Variants in FAT1 observed in about 807,000 individuals in gnomAD.
FAT1 encodes the protein FAT atypical cadherin 1.
In FAT1, 171 loss-of-function variants were observed where a neutral mutation model predicts 329.8. The ratio of observed to expected loss-of-function variants is 0.52; its 90% CI spans 0.46 to 0.59. FAT1 has a LOEUF of 0.59. Ranked by LOEUF, FAT1 falls within the 20% of genes least tolerant of loss-of-function variation. The probability of loss-of-function intolerance (pLI) is 0.00; values close to 1 mark genes in which losing one functional copy is unlikely to be tolerated. For missense variants in FAT1, 5,672 were observed against 5,774.4 expected (o/e 0.98, Z 0.57); for synonymous variants, 2,233 against 2,228.6 (o/e 1.00, Z -0.06).
At chr4:186,726,637 G>C (rs1490507942), upstream of FAT1, 2 of 152,292 alleles carry the variant, frequency 1.3e-5, no homozygotes, top group Non-Finnish European at 2.9e-5. Context: ...TTGTCAGGAC[G>C]TGCCCAGGCA....
chr4:186,724,656 C>G (rs976952049), upstream of FAT1, among the ~76,000 whole-genome samples: 2 of 152,186 alleles, frequency 1.3e-5, no homozygotes, highest in African/African-American at 4.8e-5. This position sits in a 1 kb window ranked among gnomAD's most constrained non-coding sequence, Gnocchi z 5.3. Context: ...CTCCCCGCGC[C>G]GGGCGCCCAG....
intron 2 of FAT1, among the ~76,000 whole-genome samples, chr4:186,693,672 A>C (rs1310193819): frequency 1.9e-5 from 2 of 104,286 alleles, no homozygotes; most frequent in Non-Finnish European, 3.9e-5. Flanking sequence ...GCCCACCCAC[A>C]GAACGGTGAC....
chr4:186,710,490 G>A (rs1288639177), intron 1 of FAT1, among the ~76,000 whole-genome samples: 1 of 152,102 alleles, frequency 6.6e-6, no homozygotes, highest in Non-Finnish European at 1.5e-5. Flanking sequence ...CTACTTAAAA[G>A]TATTAAAATA....
intron 2 of FAT1, among the ~76,000 whole-genome samples, chr4:186,697,648 T>A (rs1221388703): frequency 6.6e-6 from 1 of 152,232 alleles, no homozygotes; most frequent in Non-Finnish European, 1.5e-5. Context: ...TCATTTATAA[T>A]TTTTATACAG....
intron 26 of FAT1, among the ~76,000 whole-genome samples, chr4:186,593,471 T>G (rs1738339926): frequency 6.6e-6 from 1 of 152,210 alleles, no homozygotes. Flanking sequence ...TATGTCACTA[T>G]ACATGGCAAA....
chr4:186,598,191 T>C (rs2126404162), intron 22 of FAT1, 66 bp from the exon 23 acceptor site: 1 of 1,373,846 alleles, frequency 7.3e-7, no homozygotes, highest in Non-Finnish European at 9.8e-7. Context: ...GTCTTAATTA[T>C]ATTGCTTTTT....
Position 186,707,267 on chromosome 4 carries a change from T to C in FAT1, c.2561A>G (p.Asn854Ser), listed in dbSNP as rs1410329862. Residue 854 changes from asparagine (N) to serine (S), a missense_variant, in exon 2 of 27, where the codon AAC becomes AGC. By Grantham distance (46) the Asn-to-Ser change is conservative. Around this residue, in one of 2 missense-constraint regions of FAT1, gnomAD observed 3,966 missense variants for 3,915.2 expected, o/e 1.01. Transcript: ENST00000441802. The part of the protein sequence containing the change: ...VEATDKDLGP[N>S]GHVTYSIVTD... ...AACAATTGAGTACGTCACGTGTCCG[T>C]TGGGCCCCAGGTCTTTATCTGTGGC... 85 of 1,613,886 alleles carry C rather than the reference T, an allele frequency of 5.3e-5. No individual in the cohort carries two copies. The highest frequency in any genetic ancestry group is 6.7e-5 in the Non-Finnish European group (79 of 1,179,908).
chr4:186,595,636 C>T (rs2126381560), intron 26 of FAT1, 53 bp downstream of exon 26: 5 of 1,602,716 alleles, frequency 3.1e-6, no homozygotes, highest in Non-Finnish European at 4.3e-6. Context: ...TGAGATAACA[C>T]AGTAACACAA....
At chr4:186,669,898 T>A (rs559562669) in intron 2 of FAT1, among the ~76,000 whole-genome samples, 12 of 152,288 alleles carry the variant, frequency 7.9e-5, no homozygotes, top group Non-Finnish European at 1.3e-4. Flanking sequence ...TAATAACTCC[T>A]ACTCCCCGCC....
intron 1 of FAT1, among the ~76,000 whole-genome samples, chr4:186,722,308 A>C (rs1175905063): frequency 1.3e-5 from 2 of 152,244 alleles, no homozygotes; most frequent in Non-Finnish European, 2.9e-5. Context: ...CCAGAGTGCC[A>C]AAGAATTTGG....
chr4:186,663,128 G>T (rs1318480938), intron 3 of FAT1, among the ~76,000 whole-genome samples, 171 bp downstream of exon 3: 2 of 152,200 alleles, frequency 1.3e-5, no homozygotes, highest in Non-Finnish European at 2.9e-5. Flanking sequence ...GAGCCACTGT[G>T]CCCGGTTATG....
At position 186,617,818 on chromosome 4, in the gene FAT1, T is replaced by C. The variant is rs1191270366; in HGVS notation, c.8768A>G (p.Tyr2923Cys). 11 of 1,613,914 alleles carry C rather than the reference T, an allele frequency of 6.8e-6. No individual in the cohort carries two copies. The highest frequency in any genetic ancestry group is 1.7e-5 in the Admixed American group (1 of 60,014). Residue 2923 changes from tyrosine to cysteine, a missense_variant, in exon 10 of 27, where the codon TAT (tyrosine) becomes TGT (cysteine). By Grantham distance (194) the Tyr-to-Cys change is radical. This residue lies in a region of FAT1 where 3,966 missense variants were observed against 3,915.2 expected (regional missense o/e 1.01). Coordinates refer to ENST00000441802, the MANE Select transcript of FAT1 (RefSeq NM_005245.4). ...DSPPRFTAEI[Y>C]KGTVSEDDPQ... is the part of the protein sequence containing the mutation. ...GTCATCCTCACTCACAGTCCCTTTATAGATCTCGGCCGTGAATCGTGGTGG... is the reference window on the plus strand; with the variant it reads ...GTCATCCTCACTCACAGTCCCTTTACAGATCTCGGCCGTGAATCGTGGTGG...
intron 2 of FAT1, among the ~76,000 whole-genome samples, chr4:186,691,525 GCATGTTGGCTCA>G (rs1248671236): frequency 2.0e-5 from 3 of 152,198 alleles, no homozygotes; most frequent in African/African-American, 7.2e-5. Context: ...GGCGTGACAG[GCATGTTGGCTCA>G]CATCTGTAAT....
At chr4:186,658,619 G>A (rs908677109) in intron 3 of FAT1, among the ~76,000 whole-genome samples, 13 of 152,070 alleles carry the variant, frequency 8.5e-5, no homozygotes, top group African/African-American at 1.9e-4. Flanking sequence ...TCTGGCATTC[G>A]AGGTTTTCCA....
At position 186,596,914 on chromosome 4, in the gene FAT1, T is replaced by C. The variant is rs1738550729; in HGVS notation, c.12626A>G (p.Lys4209Arg). 6.2e-7 allele frequency: 1 copy of C among 1,613,986 alleles called. No homozygotes were observed. ...FVLCRKMISRKKKHQAEPKDK... is the reference protein window; with the variant it reads ...FVLCRKMISRRKKHQAEPKDK... ...TTTAGGTTCAGCCTGATGCTTCTTT[T>C]TCCGACTAATCATCTTACGGCAGAG... Residue 4209 changes from lysine to arginine, a missense_variant, in exon 25 of 27, where the codon AAA (lysine) becomes AGA (arginine). Transcript: ENST00000441802. This position sits in a 1 kb window ranked among gnomAD's most constrained non-coding sequence, Gnocchi z 4.7.
chr4:186,630,177 T>G lies in FAT1; in HGVS notation c.4324-1414A>C, dbSNP rs929424554. ...GGCTTACCAGGCAATGTTCTGCACA[T>G]GCACAGCCTAACCATGTCTCATATA... On this transcript the variant is annotated intron_variant, in intron 7 of 26. Transcript: ENST00000441802. Among the ~76,000 whole-genome samples the G allele has an allele frequency of 2.0e-5, 3 of 152,342 alleles. No individual in the cohort carries two copies. In the South Asian group the frequency reaches 6.2e-4, roughly 32 times the overall value.
intron 3 of FAT1, among the ~76,000 whole-genome samples, chr4:186,641,941 A>C (rs928640964): frequency 1.8e-4 from 28 of 151,864 alleles, no homozygotes; most frequent in African/African-American, 6.8e-4. Context: ...TGGGAAGAGG[A>C]GGCCACAGTG....
intron 2 of FAT1, among the ~76,000 whole-genome samples, chr4:186,694,830 C>T (rs1366965174): frequency 6.6e-6 from 1 of 152,104 alleles, no homozygotes; most frequent in Non-Finnish European, 1.5e-5. Flanking sequence ...GGCATGATGG[C>T]GGGTGCCTGT....
chr4:186,692,112 C>T (rs1743796807), intron 2 of FAT1, among the ~76,000 whole-genome samples: 1 of 152,080 alleles, frequency 6.6e-6, no homozygotes, highest in Admixed American at 6.5e-5. Flanking sequence ...CCCAAAATTT[C>T]CAAACAGAAA....
Sources: allele counts gnomAD v4.1 joint callset (sites outside exome capture counted in the v4.1 genomes callset), GRCh38; gene constraint gnomAD v4.1.1; regional missense constraint gnomAD v4.1.1; non-coding constraint Gnocchi (gnomAD v3.1); transcripts MANE v1.5; gene names NCBI Gene and HGNC (gene_info 2026-07-23, HGNC 2026-07-21).